Variants in MACF1 observed in about 807,000 individuals in gnomAD.
The protein encoded by MACF1 is microtubule-actin cross-linking factor 1.
MACF1 carries 193 observed loss-of-function variants against 854.8 expected under a neutral mutation model. The ratio of observed to expected loss-of-function variants is 0.23; its 90% CI spans 0.20 to 0.25. MACF1 has a LOEUF of 0.25. Ranked by LOEUF, MACF1 falls within the 10% of genes least tolerant of loss-of-function variation. The pLI, the probability that MACF1 is intolerant of heterozygous loss-of-function variation, is 1.00. For missense variants in MACF1, 7,722 were observed against 8,929.1 expected (o/e 0.86, Z 5.45); for synonymous variants, 3,185 against 3,226.7 (o/e 0.99, Z 0.44).
chr1:39,094,492 C>T (rs534489456), intron 2 of MACF1, among the ~76,000 whole-genome samples: 9 of 151,914 alleles, frequency 5.9e-5, no homozygotes, highest in Middle Eastern at 3.4e-3. Context: ...GAGGCCCAGG[C>T]GGGCAGATCA....
At chr1:39,393,724 A>G (rs1642149122) in intron 58 of MACF1, among the ~76,000 whole-genome samples, 1 of 151,916 alleles carries the variant, frequency 6.6e-6, no homozygotes, top group Non-Finnish European at 1.5e-5. Context: ...CAGGAGGATC[A>G]CTTGATCCTA....
chr1:39,346,788 G>C lies in MACF1; in HGVS notation c.10582-189G>C, dbSNP rs539799438. Among the ~76,000 whole-genome samples, 7 of 152,162 alleles carry C rather than the reference G, an allele frequency of 4.6e-5. No homozygotes were observed. In the South Asian group the frequency reaches 1.5e-3, roughly 32 times the overall value. On this transcript the variant is annotated intron_variant, in intron 40 of 100. Coordinates refer to ENST00000564288, the MANE Select transcript of MACF1 (RefSeq NM_001394062.1). ...CCCACCTTGGCCTCCCAAAGTGCTG[G>C]GATTACAGGCATGAGCCACCGCACC...
intron 2 of MACF1, among the ~76,000 whole-genome samples, chr1:39,150,971 T>A (rs148038443): frequency 2.5e-4 from 38 of 152,330 alleles, no homozygotes; most frequent in African/African-American, 8.7e-4. Context: ...CTGTGGTGAC[T>A]CTGGGCCAGT....
chr1:39,315,369 G>C (rs1216718234), intron 26 of MACF1, 144 bp from the exon 27 acceptor site: 1 of 625,332 alleles, frequency 1.6e-6, no homozygotes, highest in Non-Finnish European at 2.8e-6. Flanking sequence ...TCCATCGTAT[G>C]TCTGCTTCAT....
At chr1:39,321,151 G>A (rs1244270796) in intron 31 of MACF1, among the ~76,000 whole-genome samples, 3 of 152,090 alleles carry the variant, frequency 2.0e-5, no homozygotes, top group African/African-American at 7.2e-5. Context: ...TTGAATGAAG[G>A]CTTTCCTTTA....
At chr1:39,258,107 C>A in intron 6 of MACF1, 79 bp downstream of exon 6, 2 of 1,088,526 alleles carry the variant, frequency 1.8e-6, no homozygotes, top group Non-Finnish European at 2.8e-6. Context: ...CCACAGACAG[C>A]ATTGAGCCTT....
intron 2 of MACF1, among the ~76,000 whole-genome samples, chr1:39,158,840 A>G (rs1643741338): frequency 6.6e-6 from 1 of 152,212 alleles, no homozygotes; most frequent in African/African-American, 2.4e-5. Context: ...AAATGTGGTC[A>G]AAGTCCAGTT....
chr1:39,211,871 ACT>A (rs1644521335), intron 1 of MACF1, among the ~76,000 whole-genome samples: 1 of 151,860 alleles, frequency 6.6e-6, no homozygotes, highest in Non-Finnish European at 1.5e-5. Context: ...ACAGAGCAAG[ACT>A]CTGTCTCAAA....
chr1:39,233,247 T>C (rs1644806124), intron 2 of MACF1, among the ~76,000 whole-genome samples: 1 of 152,188 alleles, frequency 6.6e-6, no homozygotes, highest in Admixed American at 6.5e-5. Context: ...TTAGTCAGGC[T>C]GGTCTCGAAC....
rs1646745446 is a variant in MACF1 at position 39,332,539 on chromosome 1, T to A, written c.5951T>A (p.Leu1984Ter). ...NVQNGQRLLL[L>*]DKELMETLTS... The stretch of plus-strand genomic sequence containing the variant: ...CAAAATGGACAGAGGCTGCTTCTGT[T>A]AGATAAAGAGCTGATGGAGACACTA... Residue 1984 changes from leucine (L) to a stop codon, truncating the protein, a stop_gained, in exon 37 of 101, where the codon TTA becomes TAA. Transcript: ENST00000564288. LOFTEE classifies it high-confidence loss of function. 6.2e-7 allele frequency: 1 copy of A among 1,613,950 alleles called. No individual in the cohort carries two copies. The highest frequency in any genetic ancestry group is 1.7e-5 in the Admixed American group (1 of 59,998).
At chr1:39,124,694 A>G (rs931741439) in intron 2 of MACF1, among the ~76,000 whole-genome samples, 1 of 152,248 alleles carries the variant, frequency 6.6e-6, no homozygotes, top group Non-Finnish European at 1.5e-5. Context: ...AATGGTAGTT[A>G]TAGCAGCAGC....
intron 18 of MACF1, among the ~76,000 whole-genome samples, chr1:39,294,246 T>C (rs1456505663): frequency 6.6e-6 from 1 of 152,242 alleles, no homozygotes; most frequent in Non-Finnish European, 1.5e-5. Context: ...CATTGGACAA[T>C]AGGACACTGC....
intron 6 of MACF1, among the ~76,000 whole-genome samples, chr1:39,280,973 G>T (rs1645532276): frequency 6.6e-6 from 1 of 152,200 alleles, no homozygotes; most frequent in South Asian, 2.1e-4. Flanking sequence ...AAATAAGGAA[G>T]AGATAAGGGA....
chr1:39,164,172 CT>C (rs1198455569), intron 2 of MACF1, among the ~76,000 whole-genome samples: 1 of 152,160 alleles, frequency 6.6e-6, no homozygotes, highest in Non-Finnish European at 1.5e-5. Context: ...TAATTTTTCA[CT>C]GCTATGATAA....
intron 51 of MACF1, 92 bp from the exon 52 acceptor site, chr1:39,372,387 C>A: frequency 1.5e-6 from 1 of 679,646 alleles, no homozygotes; most frequent in South Asian, 1.9e-5. Flanking sequence ...TAATGCTTTT[C>A]AAAACACTAG....
chr1:39,293,754 C>G (rs1303641507), intron 18 of MACF1, 135 bp downstream of exon 18: 1 of 689,350 alleles, frequency 1.5e-6, no homozygotes, highest in Non-Finnish European at 2.3e-6. Context: ...CTCAATGCAT[C>G]CATGCATGTG....
In MACF1 at chr1:39,283,395, C is replaced by G. The variant is rs1645589657; in HGVS notation, c.809-14C>G. The G allele has an allele frequency of 4.4e-6, 7 of 1,595,524 alleles. No homozygotes were observed. Among genetic ancestry groups the G allele is most frequent in the Middle Eastern group, 3.3e-4 (2 of 6,042 alleles). ...TTGTTCTGACTAAGAAATTTCTTGTCCATTCTCTCTCAGATGTGGATGTGC... is the reference window on the plus strand; with the variant it reads ...TTGTTCTGACTAAGAAATTTCTTGTGCATTCTCTCTCAGATGTGGATGTGC... On this transcript the variant is annotated splice_polypyrimidine_tract_variant and intron_variant, in intron 8 of 100. Coordinates refer to ENST00000564288, the MANE Select transcript of MACF1 (RefSeq NM_001394062.1). The surrounding 1 kb of genome is among the most constrained non-coding windows in gnomAD (Gnocchi z 4.5).
chr1:39,406,366 G>T (rs572265400), intron 58 of MACF1, among the ~76,000 whole-genome samples: 1 of 152,288 alleles, frequency 6.6e-6, no homozygotes, highest in Non-Finnish European at 1.5e-5. Context: ...TTTAAGAAAA[G>T]TCTGGATTGG....
At chr1:39,159,422 A>G (rs1260547144) in intron 2 of MACF1, among the ~76,000 whole-genome samples, 1 of 152,154 alleles carries the variant, frequency 6.6e-6, no homozygotes, top group African/African-American at 2.4e-5. Flanking sequence ...TTGTGTCTAC[A>G]GTGAGTCAGA....
Sources: allele counts gnomAD v4.1 joint callset (sites outside exome capture counted in the v4.1 genomes callset), GRCh38; gene constraint gnomAD v4.1.1; non-coding constraint Gnocchi (gnomAD v3.1); transcripts MANE v1.5; gene names NCBI Gene and HGNC (gene_info 2026-07-23, HGNC 2026-07-21).